The following FRMD3 variants were observed in gnomAD, a reference collection of about 807,000 sequenced individuals.
The protein encoded by FRMD3 is FERM domain-containing protein 3.
In FRMD3, 33 loss-of-function variants were observed where a neutral mutation model predicts 70.2. That is an observed-to-expected ratio of 0.47 (90% CI 0.36 to 0.63). The LOEUF (loss-of-function observed/expected upper bound fraction) is 0.63. FRMD3 is among the 20% of genes least tolerant of loss of function. The pLI is 0.00. For missense variants in FRMD3, 632 were observed against 711.4 expected (o/e 0.89, Z 1.27); for synonymous variants, 279 against 255.9 (o/e 1.09, Z -0.86).
chr9:83,329,104 C>T (rs550683188), intron 6 of FRMD3, among the ~76,000 whole-genome samples: 2 of 152,294 alleles, frequency 1.3e-5, no homozygotes, highest in South Asian at 2.1e-4. Context: ...ATGCACACCA[C>T]TTGCCCCAGC....
the FRMD3 span, among the ~76,000 whole-genome samples, chr9:83,564,203 T>C: frequency 6.6e-5 from 10 of 152,288 alleles, no homozygotes; most frequent in South Asian, 1.9e-3. Context: ...TTTCTGAGAA[T>C]ATTGGCAATT....
rs982479583 is a variant in FRMD3, at chr9:83,247,362, T to C, written c.*556A>G. The C allele has an allele frequency of 1.1e-5, 11 of 978,680 alleles. No individual in the cohort carries two copies. The African/African-American group carries it at 1.6e-4, about 14-fold the overall frequency. 60.6% of individuals were successfully genotyped at this position (978,680 alleles called of 1,614,324 possible). On this transcript the variant is annotated 3_prime_UTR_variant, in exon 14 of 14. Transcript: ENST00000304195. Reference sequence around the variant, plus strand: ...GTGCATTAGTCTTACAATCTGTACATGTAAATAACTCCAGGAGGCTTCTTT... The same window carrying C: ...GTGCATTAGTCTTACAATCTGTACACGTAAATAACTCCAGGAGGCTTCTTT...
At chr9:83,526,348 C>A (rs1301396405) in intron 1 of FRMD3, among the ~76,000 whole-genome samples, 3 of 152,214 alleles carry the variant, frequency 2.0e-5, no homozygotes, top group Non-Finnish European at 4.4e-5. Context: ...CCTGGAATGG[C>A]ATCGCCATTA....
chr9:83,483,560 T>C (rs546420420), intron 1 of FRMD3, among the ~76,000 whole-genome samples: 1 of 152,156 alleles, frequency 6.6e-6, no homozygotes, highest in South Asian at 2.1e-4. Flanking sequence ...ACTAAAACCT[T>C]ATCTGATACA....
At chr9:83,390,424 T>C (rs1007195822) in intron 1 of FRMD3, among the ~76,000 whole-genome samples, 1 of 152,172 alleles carries the variant, frequency 6.6e-6, no homozygotes, top group African/African-American at 2.4e-5. Flanking sequence ...TCCTTGGTCC[T>C]CAGAGCCACT....
At chr9:83,474,654 A>C (rs1001845539) in intron 1 of FRMD3, among the ~76,000 whole-genome samples, 1 of 152,116 alleles carries the variant, frequency 6.6e-6, no homozygotes, top group Non-Finnish European at 1.5e-5. Context: ...AAACTGGATA[A>C]AATTTAAACA....
chr9:83,420,319 A>G (rs180893092), intron 1 of FRMD3, among the ~76,000 whole-genome samples: 1 of 152,332 alleles, frequency 6.6e-6, no homozygotes, highest in East Asian at 1.9e-4. Context: ...AGTTGGCTTC[A>G]GGGACGTGGG....
the FRMD3 span, among the ~76,000 whole-genome samples, chr9:83,569,182 T>G: frequency 6.6e-6 from 1 of 152,196 alleles, no homozygotes; most frequent in African/African-American, 2.4e-5. Context: ...TCCAGAGACT[T>G]TCTGAAGGTA....
At chr9:83,552,823 C>G in the FRMD3 span, among the ~76,000 whole-genome samples, 1 of 151,950 alleles carries the variant, frequency 6.6e-6, no homozygotes, top group Non-Finnish European at 1.5e-5. Context: ...TCCATTTGCT[C>G]CGTAGATTTT....
Position 83,306,662 on chromosome 9 carries a change from T to G in FRMD3, c.926+2874A>C, listed in dbSNP as rs887750088. ...AACAATCTCCTGAGGACAGGAATCATGCCTTATCAATCTGAGCTAGTAAAT... is the reference window on the plus strand; with the variant it reads ...AACAATCTCCTGAGGACAGGAATCAGGCCTTATCAATCTGAGCTAGTAAAT... On this transcript the variant is annotated intron_variant, in intron 10 of 13. Coordinates refer to ENST00000304195, the MANE Select transcript of FRMD3 (RefSeq NM_174938.6). Among the ~76,000 whole-genome samples the G allele has an allele frequency of 2.6e-5, 4 of 152,200 alleles. 1 individual carries two copies. The highest frequency in any genetic ancestry group is 5.9e-5 in the Non-Finnish European group (4 of 68,042).
At chr9:83,540,505 G>A (rs1829987966), upstream of FRMD3, among the ~76,000 whole-genome samples, 1 of 152,204 alleles carries the variant, frequency 6.6e-6, no homozygotes, top group Non-Finnish European at 1.5e-5. Context: ...GCCTGATTAG[G>A]AATAAAGGCT....
At chr9:83,474,382 A>G (rs1828344725) in intron 1 of FRMD3, among the ~76,000 whole-genome samples, 1 of 152,170 alleles carries the variant, frequency 6.6e-6, no homozygotes, top group South Asian at 2.1e-4. Flanking sequence ...GATAACATCA[A>G]TAATATTCAA....
intron 1 of FRMD3, among the ~76,000 whole-genome samples, chr9:83,410,133 T>C (rs947197952): frequency 7.2e-5 from 11 of 152,212 alleles, no homozygotes; most frequent in African/African-American, 2.7e-4. Flanking sequence ...AATTCTCTCT[T>C]TTTAAATTAA....
chr9:83,274,803 G>A (rs1833742477), intron 13 of FRMD3, among the ~76,000 whole-genome samples: 1 of 152,180 alleles, frequency 6.6e-6, no homozygotes, highest in Admixed American at 6.5e-5. Flanking sequence ...TCAGGGGATG[G>A]GCTACAGGGA....
chr9:83,281,523 T>C (rs539008877), intron 13 of FRMD3: 2 of 152,212 alleles, frequency 1.3e-5, no homozygotes, highest in East Asian at 3.9e-4. Context: ...AATTAATTAT[T>C]ATTAAGTGGG....
At chr9:83,294,525 G>A (rs113914340) in intron 12 of FRMD3, among the ~76,000 whole-genome samples, 1 of 152,136 alleles carries the variant, frequency 6.6e-6, no homozygotes, top group African/African-American at 2.4e-5. Flanking sequence ...AATATAATAC[G>A]CAAATTTGAA....
intron 4 of FRMD3, among the ~76,000 whole-genome samples, chr9:83,345,945 C>T (rs1018424130): frequency 2.0e-5 from 3 of 151,862 alleles, no homozygotes; most frequent in Non-Finnish European, 4.4e-5. Flanking sequence ...CATAATAACA[C>T]TATTCATTAT....
intron 1 of FRMD3, among the ~76,000 whole-genome samples, chr9:83,428,058 C>A (rs1826863520): frequency 6.6e-6 from 1 of 152,088 alleles, no homozygotes; most frequent in Non-Finnish European, 1.5e-5. Context: ...AGAGGAGTAG[C>A]AAACATGACT....
At chr9:83,544,966 GAA>G in the FRMD3 span, among the ~76,000 whole-genome samples, 1 of 151,860 alleles carries the variant, frequency 6.6e-6, no homozygotes, top group African/African-American at 2.4e-5. Flanking sequence ...CCAGCAGCAT[GAA>G]AAAAAGAGTG....
Sources: gnomAD v4.1 joint callset for allele counts (sites outside exome capture counted in the v4.1 genomes callset) on GRCh38, gnomAD v4.1.1 for gene constraint, MANE v1.5 for transcripts, NCBI Gene and HGNC (gene_info 2026-07-23, HGNC 2026-07-21) for gene names.